The following GPBP1L1 variants were observed in gnomAD, a reference collection of about 807,000 sequenced individuals.
The protein encoded by GPBP1L1 is GC-rich promoter binding protein 1 like 1.
Under a neutral mutation model 52.5 loss-of-function variants are expected in GPBP1L1, and 23 were observed. That is an observed-to-expected ratio of 0.44 (90% CI 0.32 to 0.62). The LOEUF (loss-of-function observed/expected upper bound fraction) is 0.62, where lower values mean the gene tolerates loss of function less well. Ranked by LOEUF, GPBP1L1 falls within the 20% of genes least tolerant of loss-of-function variation. The pLI is 0.06. For missense variants in GPBP1L1, 596 were observed against 579.3 expected (o/e 1.03, Z -0.30); for synonymous variants, 243 against 203.1 (o/e 1.20, Z -1.67).
chr1:45,653,534 T>A (rs1399272482), intron 6 of GPBP1L1, among the ~76,000 whole-genome samples: 1 of 151,896 alleles, frequency 6.6e-6, no homozygotes, highest in Non-Finnish European at 1.5e-5. Context: ...TTTTCAAAAA[T>A]TTTTTATAGA....
intron 2 of GPBP1L1, among the ~76,000 whole-genome samples, chr1:45,661,985 A>C (rs995808198): frequency 1.3e-5 from 2 of 152,254 alleles, no homozygotes; most frequent in South Asian, 2.1e-4. Context: ...GATCCTTGAG[A>C]TATCTGTCAC....
At chr1:45,676,098 T>C (rs186150098) in intron 2 of GPBP1L1, among the ~76,000 whole-genome samples, 2 of 152,350 alleles carry the variant, frequency 1.3e-5, no homozygotes, top group Admixed American at 6.5e-5. Flanking sequence ...GGGTTATTAG[T>C]GCCTTGCTTC....
At chr1:45,668,772 T>G (rs998141738) in intron 2 of GPBP1L1, among the ~76,000 whole-genome samples, 1 of 152,148 alleles carries the variant, frequency 6.6e-6, no homozygotes, top group Non-Finnish European at 1.5e-5. Context: ...TTGAAAAACT[T>G]CACCAGCCTA....
chr1:45,643,727 T>C (rs1162515628), intron 6 of GPBP1L1, among the ~76,000 whole-genome samples: 1 of 130,162 alleles, frequency 7.7e-6, no homozygotes, highest in Non-Finnish European at 1.5e-5. Context: ...TGGAGTACAG[T>C]GGCACAATCC....
intron 6 of GPBP1L1, chr1:45,651,119 A>G: frequency 2.0e-6 from 1 of 503,924 alleles, no homozygotes; most frequent in South Asian, 1.4e-5. Flanking sequence ...TTGCCTCCCC[A>G]GTGATGGCAG....
chr1:45,634,484 T>C (rs1644569758), intron 8 of GPBP1L1: 1 of 350,646 alleles, frequency 2.9e-6, no homozygotes, highest in Non-Finnish European at 5.2e-6. Flanking sequence ...TCTAGTTCAA[T>C]AGTTCAATGA....
intron 2 of GPBP1L1, among the ~76,000 whole-genome samples, chr1:45,679,555 C>T (rs551252381): frequency 6.6e-6 from 1 of 152,270 alleles, no homozygotes; most frequent in East Asian, 1.9e-4. Flanking sequence ...CCAACCTTTC[C>T]AGCATCCTCT....
intron 2 of GPBP1L1, among the ~76,000 whole-genome samples, chr1:45,663,916 T>C (rs1457676284): frequency 2.0e-5 from 3 of 152,054 alleles, no homozygotes; most frequent in African/African-American, 7.2e-5. Flanking sequence ...ACTAAAAAAT[T>C]CTGAGAAGAA....
In GPBP1L1 at chr1:45,634,213, C is replaced by T; in HGVS notation, c.768G>A (p.Arg256=). 6.2e-7 allele frequency: 1 copy of T among 1,613,258 alleles called. No homozygotes were observed. The highest frequency in any genetic ancestry group is 8.5e-7 in the Non-Finnish European group (1 of 1,179,486). ...AAAGGGATCCTGACTTGTGCTCCAT[C>T]CTGTTAGCTTTCCATGCATTAGGCT... ...PSKPNAWKAN[R]MEHKSGSLSS... Residue 256 remains arginine (R), a synonymous_variant, in exon 9 of 13, where the codon AGG becomes AGA. Transcript: ENST00000355105.
chr1:45,671,987 A>G (rs1205056924), intron 2 of GPBP1L1, among the ~76,000 whole-genome samples: 2 of 152,198 alleles, frequency 1.3e-5, no homozygotes, highest in Non-Finnish European at 2.9e-5. Context: ...AGCACGGTCA[A>G]CTTCTTATTT....
intron 6 of GPBP1L1, among the ~76,000 whole-genome samples, chr1:45,654,065 G>A (rs1348984269): frequency 6.6e-6 from 1 of 151,930 alleles, no homozygotes; most frequent in East Asian, 1.9e-4. Flanking sequence ...TGCTACCTTT[G>A]ATTTAAGAGG....
chr1:45,628,820 C>T (rs1340517643), intron 12 of GPBP1L1, among the ~76,000 whole-genome samples: 1 of 152,114 alleles, frequency 6.6e-6, no homozygotes, highest in Non-Finnish European at 1.5e-5. Flanking sequence ...CACACCACCA[C>T]GCCTAGTTAA....
At chr1:45,676,710 CAAAAAAA>C (rs1189531708) in intron 2 of GPBP1L1, among the ~76,000 whole-genome samples, 5,383 of 63,240 alleles carry the variant, frequency 0.085, 135 homozygotes, top group Middle Eastern at 0.22. Context: ...AACTCTGTCT[CAAAAAAA>C]AAAAAAAAAA....
intron 6 of GPBP1L1, among the ~76,000 whole-genome samples, chr1:45,652,604 CTAAA>C (rs1443815081): frequency 3.9e-5 from 6 of 152,000 alleles, no homozygotes; most frequent in African/African-American, 9.7e-5. Context: ...TAGATATACT[CTAAA>C]TATTTCATTT....
intron 2 of GPBP1L1, among the ~76,000 whole-genome samples, chr1:45,663,614 G>A (rs1644973621): frequency 6.6e-6 from 1 of 152,202 alleles, no homozygotes; most frequent in Admixed American, 6.5e-5. Context: ...GAGAGGAGAT[G>A]CGCCATAAGT....
chr1:45,664,594 T>TA (rs1644987605), intron 2 of GPBP1L1, among the ~76,000 whole-genome samples: 3 of 151,780 alleles, frequency 2.0e-5, no homozygotes, highest in Admixed American at 6.6e-5. Context: ...AAAATAAAAT[T>TA]ATTCCATAGA....
intron 4 of GPBP1L1, among the ~76,000 whole-genome samples, chr1:45,656,995 C>A (rs1484586436): frequency 1.3e-5 from 2 of 152,116 alleles, no homozygotes; most frequent in African/African-American, 4.8e-5. Context: ...CTCTACAGGC[C>A]TATTTTTGAA....
At chr1:45,630,144 T>C (rs1248825904) in intron 11 of GPBP1L1, among the ~76,000 whole-genome samples, 4 of 152,156 alleles carry the variant, frequency 2.6e-5, no homozygotes, top group Non-Finnish European at 5.9e-5. Flanking sequence ...AGAGACAGGG[T>C]TTCGCCATGT....
chr1:45,682,321 TA>T, intron 2 of GPBP1L1, among the ~76,000 whole-genome samples: 2 of 152,336 alleles, frequency 1.3e-5, no homozygotes, highest in Non-Finnish European at 2.9e-5. Flanking sequence ...AAAGTATAGC[TA>T]AACTTAACCA....
Sources: allele counts gnomAD v4.1 joint callset (sites outside exome capture counted in the v4.1 genomes callset), GRCh38; gene constraint gnomAD v4.1.1; transcripts MANE v1.5; gene names NCBI Gene and HGNC (gene_info 2026-07-23, HGNC 2026-07-21).